The following FRMD4A variants were observed in gnomAD, a reference collection of about 807,000 sequenced individuals.
The protein encoded by FRMD4A is FERM domain containing 4A.
FRMD4A carries 29 observed loss-of-function variants against 129.1 expected under a neutral mutation model. That is an observed-to-expected ratio of 0.22 (90% confidence interval 0.17 to 0.31). The LOEUF (loss-of-function observed/expected upper bound fraction) is 0.31, where lower values mean the gene tolerates loss of function less well. Among genes scored for constraint, FRMD4A ranks in the 10% least tolerant of loss-of-function variants. FRMD4A has a pLI of 1.00. For synonymous variants in FRMD4A, 634 were observed against 571.6 expected (o/e 1.11, Z -1.56); for missense variants, 1,272 against 1,375.8 (o/e 0.92, Z 1.19).
chr10:13,950,959 G>A (rs572626261), intron 2 of FRMD4A, among the ~76,000 whole-genome samples: 23 of 152,160 alleles, frequency 1.5e-4, no homozygotes, highest in Non-Finnish European at 2.6e-4. Flanking sequence ...ACTGAGATTC[G>A]AAGGGAGTAG....
chr10:13,689,141 G>C (rs1196824081), intron 15 of FRMD4A, among the ~76,000 whole-genome samples: 1 of 143,536 alleles, frequency 7.0e-6, no homozygotes, highest in Non-Finnish European at 1.5e-5. Flanking sequence ...GTTACTAATA[G>C]TTTAGAAACA....
chr10:14,145,499 C>T (rs949757847), intron 2 of FRMD4A, among the ~76,000 whole-genome samples: 1 of 152,026 alleles, frequency 6.6e-6, no homozygotes, highest in Non-Finnish European at 1.5e-5. Context: ...GGTGAATGGG[C>T]GATAATCACA....
chr10:13,954,666 C>T (rs1465152575), intron 2 of FRMD4A, among the ~76,000 whole-genome samples: 1 of 152,088 alleles, frequency 6.6e-6, no homozygotes, highest in Non-Finnish European at 1.5e-5. Context: ...CTGGTGTCAC[C>T]ATCCATGCAT....
intron 2 of FRMD4A, among the ~76,000 whole-genome samples, chr10:13,942,598 A>G (rs1199300718): frequency 6.6e-6 from 1 of 152,236 alleles, no homozygotes; most frequent in African/African-American, 2.4e-5. Context: ...GGTATTGTGC[A>G]AAAACAGAAA....
At chr10:13,722,246 T>TTTTC (rs2089479207) in intron 12 of FRMD4A, among the ~76,000 whole-genome samples, 1 of 149,302 alleles carries the variant, frequency 6.7e-6, no homozygotes, top group Non-Finnish European at 1.5e-5. Flanking sequence ...TTTTTTTTTT[T>TTTTC]CCTGACTCAG....
chr10:14,231,261 T>A (rs1843628617), intron 2 of FRMD4A, among the ~76,000 whole-genome samples: 1 of 152,194 alleles, frequency 6.6e-6, no homozygotes, highest in Non-Finnish European at 1.5e-5. Flanking sequence ...GTGTTCCCTT[T>A]TTGCTGCAGC....
At chr10:14,247,974 A>C (rs1292465942) in intron 2 of FRMD4A, among the ~76,000 whole-genome samples, 2 of 152,230 alleles carry the variant, frequency 1.3e-5, no homozygotes, top group African/African-American at 4.8e-5. Flanking sequence ...TCCTAAGCCA[A>C]ATGACAAAAT....
chr10:13,952,276 C>A (rs962744586), intron 2 of FRMD4A, among the ~76,000 whole-genome samples: 12 of 151,738 alleles, frequency 7.9e-5, no homozygotes, highest in Non-Finnish European at 1.3e-4. Flanking sequence ...GGCAGGACAA[C>A]TGTTTGAGGC....
chr10:14,233,802 T>C (rs1443380336), intron 2 of FRMD4A, among the ~76,000 whole-genome samples: 1 of 152,262 alleles, frequency 6.6e-6, no homozygotes, highest in Non-Finnish European at 1.5e-5. Context: ...GCCATGCACT[T>C]GATTGGCTTT....
chr10:13,846,920 C>A (rs2094056384), intron 3 of FRMD4A, among the ~76,000 whole-genome samples: 1 of 152,162 alleles, frequency 6.6e-6, no homozygotes, highest in Admixed American at 6.5e-5. Context: ...AGGAGCTGCT[C>A]TGGTGACAAT....
chr10:13,918,525 T>C (rs2095034590), intron 2 of FRMD4A, among the ~76,000 whole-genome samples: 2 of 152,118 alleles, frequency 1.3e-5, no homozygotes, highest in Admixed American at 1.3e-4. Context: ...CGAATATCAG[T>C]CAATACAATT....
chr10:14,034,572 G>T (rs1833408756), intron 2 of FRMD4A, among the ~76,000 whole-genome samples: 1 of 146,746 alleles, frequency 6.8e-6, no homozygotes, highest in African/African-American at 2.5e-5. Flanking sequence ...AGGAGAAAAT[G>T]AAATATTTTC....
intron 2 of FRMD4A, among the ~76,000 whole-genome samples, chr10:14,041,047 A>C (rs578058517): frequency 6.6e-5 from 10 of 152,364 alleles, no homozygotes; most frequent in African/African-American, 1.9e-4. Context: ...CCCCTGAGAG[A>C]AAGCAAAATG....
At chr10:13,935,446 C>CAAAAAAAA in intron 2 of FRMD4A, among the ~76,000 whole-genome samples, 1 of 36,404 alleles carries the variant, frequency 2.7e-5, no homozygotes, top group Non-Finnish European at 4.6e-5. Context: ...AACTCCATCT[C>CAAAAAAAA]AAAAAAAAAA....
At chr10:14,302,110 T>C (rs1264844094) in intron 2 of FRMD4A, among the ~76,000 whole-genome samples, 1 of 152,220 alleles carries the variant, frequency 6.6e-6, no homozygotes, top group Non-Finnish European at 1.5e-5. Context: ...TGGATGGTCA[T>C]TCTTCTGAAG....
chr10:14,057,670 A>G (rs1834604945), intron 2 of FRMD4A, among the ~76,000 whole-genome samples: 1 of 152,036 alleles, frequency 6.6e-6, no homozygotes, highest in Non-Finnish European at 1.5e-5. Context: ...TCCTGGGTTC[A>G]AGAGATTCTC....
In FRMD4A at chr10:13,973,556, C is replaced by T. The variant is rs117497070; in HGVS notation, c.46-114644G>A. 2.5e-3 allele frequency among the ~76,000 whole-genome samples: 383 copies of T among 152,222 alleles called. 2 individuals are homozygous for T. The highest frequency in any genetic ancestry group is 6.8e-3 in the Middle Eastern group (2 of 294). On this transcript the variant is annotated intron_variant, in intron 2 of 24. Transcript: ENST00000357447. ...TGAATAATCACCCTAAGGCAAAACACGGTGCATAATTTTATTCCTGTGTAC... is the reference window on the plus strand; with the variant it reads ...TGAATAATCACCCTAAGGCAAAACATGGTGCATAATTTTATTCCTGTGTAC...
intron 2 of FRMD4A, among the ~76,000 whole-genome samples, chr10:14,114,004 G>T (rs377062565): frequency 6.6e-6 from 1 of 152,198 alleles, no homozygotes. Context: ...CTCCAGCAGG[G>T]CATAGCCTTG....
intron 2 of FRMD4A, among the ~76,000 whole-genome samples, chr10:13,999,114 T>C (rs1391644954): frequency 1.3e-5 from 2 of 152,130 alleles, no homozygotes; most frequent in Admixed American, 6.5e-5. Flanking sequence ...GTGCCCTCTG[T>C]GTGGGATGTT....
Sources: gnomAD v4.1 joint callset for allele counts (sites outside exome capture counted in the v4.1 genomes callset) on GRCh38, gnomAD v4.1.1 for gene constraint, MANE v1.5 for transcripts, NCBI Gene and HGNC (gene_info 2026-07-23, HGNC 2026-07-21) for gene names.